The following CAMK2D variants were observed in gnomAD, a reference collection of about 807,000 sequenced individuals.
CAMK2D encodes calcium/calmodulin-dependent protein kinase type II subunit delta.
CAMK2D carries 37 observed loss-of-function variants against 84.0 expected under a neutral mutation model. That is an observed-to-expected ratio of 0.44 (90% CI 0.34 to 0.58). The LOEUF is 0.58. Ranked by LOEUF, CAMK2D falls within the 20% of genes least tolerant of loss-of-function variation. The probability of loss-of-function intolerance (pLI) is 0.02; values close to 1 mark genes in which losing one functional copy is unlikely to be tolerated. For synonymous variants in CAMK2D, 202 were observed against 212.5 expected (o/e 0.95, Z 0.43); for missense variants, 448 against 652.5 (o/e 0.69, Z 3.41).
intron 8 of CAMK2D, among the ~76,000 whole-genome samples, chr4:113,528,723 A>G (rs912753755): frequency 6.6e-6 from 1 of 152,184 alleles, no homozygotes; most frequent in African/African-American, 2.4e-5. Flanking sequence ...AAAAAATATG[A>G]TTGTATCCTT....
intron 8 of CAMK2D, among the ~76,000 whole-genome samples, chr4:113,518,844 G>A (rs2098321143): frequency 6.6e-6 from 1 of 151,890 alleles, no homozygotes; most frequent in South Asian, 2.1e-4. Flanking sequence ...TTTAAGCAAT[G>A]GTTTAATCAT....
intron 3 of CAMK2D, among the ~76,000 whole-genome samples, chr4:113,659,119 C>T (rs1255559983): frequency 2.0e-5 from 3 of 152,084 alleles, no homozygotes; most frequent in Admixed American, 6.6e-5. Context: ...GGCAGTTTTT[C>T]GAGTGTTTGA....
intron 2 of CAMK2D, among the ~76,000 whole-genome samples, chr4:113,690,403 G>T (rs1006650096): frequency 6.6e-6 from 1 of 152,058 alleles, no homozygotes; most frequent in African/African-American, 2.4e-5. Flanking sequence ...GTTTAAGGAG[G>T]TAATTTAAAT....
intron 2 of CAMK2D, among the ~76,000 whole-genome samples, chr4:113,739,174 G>A (rs2099587538): frequency 6.6e-6 from 1 of 152,046 alleles, no homozygotes; most frequent in African/African-American, 2.4e-5. Flanking sequence ...AGAAAGGCAG[G>A]GTGTTGCATT....
intron 2 of CAMK2D, among the ~76,000 whole-genome samples, chr4:113,690,274 T>G (rs1018338260): frequency 1.3e-5 from 2 of 152,180 alleles, no homozygotes; most frequent in African/African-American, 2.4e-5. Context: ...TTGGTAAAAT[T>G]GTGATGGGAG....
intron 4 of CAMK2D, among the ~76,000 whole-genome samples, chr4:113,567,168 CTTTTT>C (rs1317760050): frequency 1.5e-5 from 2 of 129,388 alleles, no homozygotes; most frequent in Admixed American, 9.1e-5. Context: ...TTTTCTTTTC[CTTTTT>C]TTTTTTTTTT....
chr4:113,708,599 TC>T (rs1459384610), intron 2 of CAMK2D, among the ~76,000 whole-genome samples: 1 of 152,220 alleles, frequency 6.6e-6, no homozygotes, highest in Non-Finnish European at 1.5e-5. Context: ...AGTTTTTTTT[TC>T]CTCAGCTGTA....
intron 8 of CAMK2D, among the ~76,000 whole-genome samples, chr4:113,518,551 CT>C (rs2098315604): frequency 6.6e-6 from 1 of 152,200 alleles, no homozygotes; most frequent in Middle Eastern, 3.4e-3. Flanking sequence ...ATTTTATTGC[CT>C]TGCTTAAGGC....
At chr4:113,626,688 G>A (rs1168911795) in intron 3 of CAMK2D, among the ~76,000 whole-genome samples, 4 of 152,130 alleles carry the variant, frequency 2.6e-5, no homozygotes, top group South Asian at 2.1e-4. Flanking sequence ...AGTAGACAGC[G>A]GATCTGGACC....
At chr4:113,536,577 C>T (rs562344667) in intron 7 of CAMK2D, among the ~76,000 whole-genome samples, 1 of 152,110 alleles carries the variant, frequency 6.6e-6, no homozygotes, top group East Asian at 1.9e-4. Flanking sequence ...ACAAGACAGG[C>T]TTGGGGAGAG....
chr4:113,463,067 T>C (rs1053484209), intron 17 of CAMK2D, among the ~76,000 whole-genome samples: 2 of 152,294 alleles, frequency 1.3e-5, no homozygotes, highest in South Asian at 2.1e-4. Flanking sequence ...TATTAGGTCA[T>C]GATAAAGAAT....
chr4:113,502,890 T>A, intron 15 of CAMK2D, 46 bp downstream of exon 15: 1 of 1,263,196 alleles, frequency 7.9e-7, no homozygotes, highest in Non-Finnish European at 1.2e-6. Context: ...TTTGATGAGA[T>A]GTATAGTCTT....
At chr4:113,751,500 G>A (rs1362968425) in intron 2 of CAMK2D, among the ~76,000 whole-genome samples, 4 of 152,022 alleles carry the variant, frequency 2.6e-5, no homozygotes, top group Admixed American at 1.3e-4. Flanking sequence ...GGCCAGGTGC[G>A]GCGGCTAACA....
intron 4 of CAMK2D, among the ~76,000 whole-genome samples, chr4:113,554,130 T>C (rs1398884323): frequency 1.3e-5 from 2 of 152,108 alleles, no homozygotes; most frequent in Non-Finnish European, 2.9e-5. Context: ...CTATGAAAAA[T>C]ACCAGATCCT....
chr4:113,618,075 A>C (rs2099029248), intron 3 of CAMK2D, among the ~76,000 whole-genome samples: 1 of 152,180 alleles, frequency 6.6e-6, no homozygotes, highest in African/African-American at 2.4e-5. Flanking sequence ...GATCCTTTCT[A>C]AGTTTTTACA....
In CAMK2D at chr4:113,452,462, C is replaced by G. The variant is rs1052761682; in HGVS notation, c.*2083G>C. On this transcript the variant is annotated 3_prime_UTR_variant, in exon 21 of 21. Coordinates refer to ENST00000511664, the MANE Select transcript of CAMK2D (RefSeq NM_001321571.2). The stretch of plus-strand genomic sequence containing the variant: ...TTAACTCTTAAATATATCAATCAGT[C>G]CTTTACCATTATGGCAAGAAATATA... 1.2e-4 allele frequency: 19 copies of G among 152,682 alleles called. No individual in the cohort carries two copies. The highest frequency in any genetic ancestry group is 2.5e-4 in the Non-Finnish European group (17 of 68,028). The allele number at this position is 152,682 out of a possible 1,614,324, so 9.5% of individuals were successfully genotyped here.
chr4:113,760,855 C>CA, intron 1 of CAMK2D, 149 bp downstream of exon 1: 1 of 919,576 alleles, frequency 1.1e-6, no homozygotes, highest in Non-Finnish European at 1.7e-6. Flanking sequence ...ATTAAGACAG[C>CA]ACCTTCCCCA....
intron 2 of CAMK2D, among the ~76,000 whole-genome samples, chr4:113,756,881 A>T (rs547620066): frequency 3.3e-5 from 5 of 152,230 alleles, no homozygotes; most frequent in South Asian, 4.1e-4. Flanking sequence ...AAAGGCACAA[A>T]TATTCTACAA....
chr4:113,709,745 C>T (rs1434667164), intron 2 of CAMK2D, among the ~76,000 whole-genome samples: 9 of 24,636 alleles, frequency 3.7e-4, no homozygotes, highest in Admixed American at 1.2e-3. Context: ...AAGCCGTGAA[C>T]GATATATATA....
Sources: allele counts gnomAD v4.1 joint callset (sites outside exome capture counted in the v4.1 genomes callset), GRCh38; gene constraint gnomAD v4.1.1; transcripts MANE v1.5; gene names NCBI Gene and HGNC (gene_info 2026-07-23, HGNC 2026-07-21).